The following EPB41L1 variants were observed in gnomAD, a reference collection of about 807,000 sequenced individuals.
EPB41L1 encodes band 4.1-like protein 1.
A neutral mutation model predicts 97.8 loss-of-function variants in EPB41L1; 29 were observed. The observed-to-expected ratio is 0.30, with a 90% CI of 0.22 to 0.40. EPB41L1 has a LOEUF of 0.40. Among genes scored for constraint, EPB41L1 ranks in the 10% least tolerant of loss-of-function variants. EPB41L1 has a pLI of 1.00. For missense variants in EPB41L1, 812 were observed against 1,162.3 expected, an observed-to-expected ratio of 0.70 and a Z score of 4.38; for synonymous variants, 383 against 459.2, an observed-to-expected ratio of 0.83 and a Z score of 2.12.
chr20:36,152,434 T>G (rs2060093271), upstream of EPB41L1: 4 of 147,116 alleles, frequency 2.7e-5, no homozygotes, highest in Non-Finnish European at 4.5e-5. Flanking sequence ...AGGGGAGGAG[T>G]GGGGAGGGCT....
chr20:36,175,519 T>C (rs918718841), intron 2 of EPB41L1, 32 bp from the exon 3 acceptor site: 2 of 1,613,850 alleles, frequency 1.2e-6, no homozygotes, highest in Non-Finnish European at 1.7e-6. Flanking sequence ...TAAAACTCAC[T>C]GAGCAAACTA....
intron 1 of EPB41L1, chr20:36,155,166 C>G (rs1210956608): frequency 4.4e-6 from 2 of 457,276 alleles, no homozygotes; most frequent in African/African-American, 4.0e-5. Context: ...CGCTGGGCTC[C>G]CACCGGCTGG....
At position 36,178,045 on chromosome 20, in the gene EPB41L1, G is replaced by A. The variant is rs1247060637; in HGVS notation, c.436G>A (p.Asp146Asn). 6.2e-7 allele frequency: 1 copy of A among 1,613,844 alleles called. No homozygotes were observed. Among genetic ancestry groups the A allele is most frequent in the African/African-American group, 1.3e-5 (1 of 74,926 alleles). The change falls in exon 4 of 22, where the codon GAC becomes AAC. Residue 146 changes from aspartate to asparagine, a missense_variant. Asp to Asn is a conservative substitution (Grantham distance 23). This residue lies in a region of EPB41L1 where 230 missense variants were observed against 445.2 expected (regional missense o/e 0.52). Coordinates refer to ENST00000338074, the MANE Select transcript of EPB41L1 (RefSeq NM_012156.2). Reference sequence around the variant, plus strand: ...CTTCGGCCTGACCTTCTGTGATGCTGACAGCCAGAAGGTACCTGGGCTAGG... The same window carrying A: ...CTTCGGCCTGACCTTCTGTGATGCTAACAGCCAGAAGGTACCTGGGCTAGG... ...DYFGLTFCDA[D>N]SQKNWLDPSK...
chr20:36,102,452 G>A (rs2058051322), intron 1 of EPB41L1, among the ~76,000 whole-genome samples: 1 of 152,186 alleles, frequency 6.6e-6, no homozygotes, highest in African/African-American at 2.4e-5. Flanking sequence ...GGTCTCTCAT[G>A]CCTCTCAGCA....
At chr20:36,205,205 G>A (rs1269687719) in intron 14 of EPB41L1, among the ~76,000 whole-genome samples, 3 of 152,220 alleles carry the variant, frequency 2.0e-5, no homozygotes, top group African/African-American at 7.2e-5. Flanking sequence ...ATTTCAGGCT[G>A]TGGCCTGTGG....
In EPB41L1 at chr20:36,141,807, C is replaced by A. The variant is rs557544696; in HGVS notation, c.-10+29327C>A. Among the ~76,000 whole-genome samples, 5 of 152,144 alleles carry A rather than the reference C, an allele frequency of 3.3e-5. No individual in the cohort carries two copies. In the South Asian group the frequency reaches 1.0e-3, roughly 32 times the overall value. ...TTTTCTAGGCATGTACACATACATA[C>A]ATATTTTATAGAAATTGGGGCCAGG... On this transcript the variant is annotated intron_variant, in intron 2 of 19. Coordinates refer to the EPB41L1 transcript ENST00000202028.
At chr20:36,187,832 T>C (rs905101348) in intron 8 of EPB41L1, 69 bp downstream of exon 8, 2 of 1,397,504 alleles carry the variant, frequency 1.4e-6, no homozygotes, top group Non-Finnish European at 2.0e-6. Flanking sequence ...GGCCTTTCCC[T>C]AGGGCGTGGT....
Position 36,178,518 on chromosome 20 carries a change from G to C in EPB41L1, c.448-112G>C, listed in dbSNP as rs778127709. The C allele has an allele frequency of 4.6e-6, 5 of 1,079,468 alleles. No individual in the cohort carries two copies. The African/African-American group carries it at 6.2e-5, about 13-fold the overall frequency. The allele number at this position is 1,079,468 out of a possible 1,614,324, so 66.9% of individuals were successfully genotyped here. A position where few individuals can be genotyped will look rare whatever the true frequency, so the allele number is the denominator to read the frequency against. On this transcript the variant is annotated intron_variant, in intron 4 of 21. Coordinates refer to ENST00000338074, the MANE Select transcript of EPB41L1 (RefSeq NM_012156.2). ...GAACCAAGAGGCTTAGCCAAGGAAGGGCGTTCCCTACAAGGGGCTGCTGAC... is the reference window on the plus strand; with the variant it reads ...GAACCAAGAGGCTTAGCCAAGGAAGCGCGTTCCCTACAAGGGGCTGCTGAC...
At chr20:36,167,993 G>A (rs1600705559) in intron 1 of EPB41L1, among the ~76,000 whole-genome samples, 1 of 152,162 alleles carries the variant, frequency 6.6e-6, no homozygotes, top group Non-Finnish European at 1.5e-5. Context: ...AGGGCCTGAT[G>A]TATAAACCGG....
intron 1 of EPB41L1, among the ~76,000 whole-genome samples, chr20:36,107,211 C>CT (rs397864874): frequency 0.022 from 2,471 of 114,202 alleles, 78 homozygotes; most frequent in Non-Finnish European, 0.03. Flanking sequence ...GAGAATATAC[C>CT]TTTTTTTTTT....
chr20:36,210,282 G>C (rs1278710967), intron 15 of EPB41L1, among the ~76,000 whole-genome samples: 10 of 152,092 alleles, frequency 6.6e-5, no homozygotes, highest in Non-Finnish European at 1.5e-4. Flanking sequence ...TCCGGGCCCA[G>C]GCTTGTCTCT....
upstream of EPB41L1, chr20:36,152,448 G>C (rs1394406154): frequency 6.5e-6 from 1 of 154,160 alleles, no homozygotes; most frequent in African/African-American, 2.4e-5. Flanking sequence ...GAGGGCTTCA[G>C]CCTGGGGGAA....
chr20:36,191,578 A>C (rs2061952269), intron 11 of EPB41L1, among the ~76,000 whole-genome samples: 1 of 152,166 alleles, frequency 6.6e-6, no homozygotes, highest in African/African-American at 2.4e-5. Context: ...GTCTCTCCCC[A>C]GGATGTACAC....
chr20:36,139,287 TA>T (rs1397396686), intron 2 of EPB41L1, among the ~76,000 whole-genome samples: 1 of 152,244 alleles, frequency 6.6e-6, no homozygotes, highest in Admixed American at 6.5e-5. Flanking sequence ...GGCTATGAAG[TA>T]GATTCCAGTA....
intron 2 of EPB41L1, among the ~76,000 whole-genome samples, chr20:36,175,288 C>T (rs1185669510): frequency 6.6e-6 from 1 of 152,186 alleles, no homozygotes; most frequent in Non-Finnish European, 1.5e-5. Context: ...GATGCTCCTG[C>T]CTCAGAGGAT....
intron 2 of EPB41L1, among the ~76,000 whole-genome samples, chr20:36,140,192 C>G (rs2059584439): frequency 6.6e-6 from 1 of 150,578 alleles, no homozygotes; most frequent in African/African-American, 2.4e-5. Context: ...GTAGCAGGGA[C>G]TACAGGTGCG....
chr20:36,126,845 T>C (rs1292897445), intron 2 of EPB41L1, among the ~76,000 whole-genome samples: 1 of 152,228 alleles, frequency 6.6e-6, no homozygotes, highest in South Asian at 2.1e-4. Flanking sequence ...ATTTTCCTTA[T>C]GGATGGGAAC....
chr20:36,187,477 G>T (rs184990342), intron 7 of EPB41L1, among the ~76,000 whole-genome samples, 199 bp from the exon 8 acceptor site: 1 of 152,312 alleles, frequency 6.6e-6, no homozygotes, highest in Non-Finnish European at 1.5e-5. Flanking sequence ...TTGAGCTTTG[G>T]CAGAAGTTGG....
chr20:36,155,429 G>A (rs1022334079), intron 1 of EPB41L1, among the ~76,000 whole-genome samples: 2 of 152,118 alleles, frequency 1.3e-5, no homozygotes, highest in Non-Finnish European at 2.9e-5. Context: ...TGCAGTTCTG[G>A]CCTGGCATTG....
Sources: gnomAD v4.1 joint callset for allele counts (sites outside exome capture counted in the v4.1 genomes callset) on GRCh38, gnomAD v4.1.1 for gene constraint, gnomAD v4.1.1 regional missense constraint, MANE v1.5 for transcripts, NCBI Gene and HGNC (gene_info 2026-07-23, HGNC 2026-07-21) for gene names.